Variants in ITPRID2 observed in about 807,000 individuals in gnomAD.
ITPRID2 encodes ITPR interacting domain containing 2, also known as protein ITPRID2.
A neutral mutation model predicts 124.3 loss-of-function variants in ITPRID2; 60 were observed. That is an observed-to-expected ratio of 0.48 (90% confidence interval 0.39 to 0.60). ITPRID2 has a LOEUF of 0.60. Ranked by LOEUF, ITPRID2 falls within the 20% of genes least tolerant of loss-of-function variation. The pLI, the probability that ITPRID2 is intolerant of heterozygous loss-of-function variation, is 0.00. For synonymous variants in ITPRID2, 521 were observed against 542.9 expected (o/e 0.96, Z 0.56); for missense variants, 1,553 against 1,512.2 (o/e 1.03, Z -0.45).
At position 181,915,000 on chromosome 2, in the gene ITPRID2, G is replaced by C. The variant is rs373432195; in HGVS notation, c.1576-216G>C. 1.2e-4 allele frequency among the ~76,000 whole-genome samples: 18 copies of C among 152,260 alleles called. No homozygotes were observed. The South Asian group carries it at 3.3e-3, about 28-fold the overall frequency. ...GGAGGTTGTTGGAAAGGGAATTTTA[G>C]GAAAACAGTGAAGTTCTGAAATAAT... On this transcript the variant is annotated intron_variant, in intron 10 of 17. Coordinates refer to ENST00000431877, the MANE Select transcript of ITPRID2 (RefSeq NM_001130445.3).
chr2:181,900,365 T>C (rs1346217349), intron 6 of ITPRID2, among the ~76,000 whole-genome samples: 1 of 152,180 alleles, frequency 6.6e-6, no homozygotes, highest in African/African-American at 2.4e-5. Context: ...TCATCTGTCT[T>C]CTACTTGTTT....
At chr2:181,895,092 G>A (rs1236149729) in intron 2 of ITPRID2, among the ~76,000 whole-genome samples, 2 of 152,002 alleles carry the variant, frequency 1.3e-5, no homozygotes, top group Non-Finnish European at 2.9e-5. Flanking sequence ...GCCATTGTTA[G>A]TATACTTGTA....
rs565890307 is a variant in ITPRID2 at position 181,892,045 on chromosome 2, T to G, written c.-22T>G. 3.5e-5 allele frequency: 54 copies of G among 1,545,598 alleles called. No individual in the cohort carries two copies. The African/African-American group carries it at 6.7e-4, about 19-fold the overall frequency. ...TGTCTCGCGCAGGGTCCGGCTGGGGTAGCGGAGCCCCCAGTGCGGCCATGG... is the reference window on the plus strand; with the variant it reads ...TGTCTCGCGCAGGGTCCGGCTGGGGGAGCGGAGCCCCCAGTGCGGCCATGG... On this transcript the variant is annotated 5_prime_UTR_variant, in exon 1 of 18. Transcript: ENST00000431877. This position sits in a 1 kb window ranked among gnomAD's most constrained non-coding sequence, Gnocchi z 5.2.
At position 181,915,633 on chromosome 2, in the gene ITPRID2, T is replaced by C. The variant is rs761725758; in HGVS notation, c.1993T>C (p.Ser665Pro). The C allele has an allele frequency of 4.3e-6, 7 of 1,614,198 alleles. No individual in the cohort carries two copies. The highest frequency in any genetic ancestry group is 5.9e-6 in the Non-Finnish European group (7 of 1,180,028). Residue 665 changes from serine to proline, a missense_variant, in exon 11 of 18, where the codon TCA (serine) becomes CCA (proline). By Grantham distance (74) the Ser-to-Pro change is moderately conservative (BLOSUM62 -1). Transcript: ENST00000431877. ...GTATACCACACACCATATTCTGAAA[T>C]CATTGGCTTCTATTGAAGCTAAATG... ...TQYTTHHILK[S>P]LASIEAKCSD...
intron 9 of ITPRID2, among the ~76,000 whole-genome samples, chr2:181,912,166 G>A (rs781195273): frequency 2.6e-5 from 4 of 152,214 alleles, no homozygotes; most frequent in Non-Finnish European, 5.9e-5. Context: ...TTAAGGAAAT[G>A]GGTATCATTG....
rs1057395580 is a variant in ITPRID2 at position 181,896,214 on chromosome 2, A to G, written c.307+135A>G. The G allele has an allele frequency of 1.3e-5, 10 of 747,934 alleles. No homozygotes were observed. The highest frequency in any genetic ancestry group is 6.3e-5 in the South Asian group (3 of 47,674). The allele number at this position is 747,934 out of a possible 1,614,324, so 46.3% of individuals were successfully genotyped here. ...ATATGCTATTCTGAGCTAGAAGCAAAATGGAGAAACTTTGTTATAAACCGT... is the reference window on the plus strand; with the variant it reads ...ATATGCTATTCTGAGCTAGAAGCAAGATGGAGAAACTTTGTTATAAACCGT... On this transcript the variant is annotated intron_variant, in intron 3 of 17. Transcript: ENST00000431877. The surrounding 1 kb of genome is among the most constrained non-coding windows in gnomAD (Gnocchi z 4.3).
At chr2:181,908,615 A>G (rs1693345939) in intron 8 of ITPRID2, among the ~76,000 whole-genome samples, 1 of 152,202 alleles carries the variant, frequency 6.6e-6, no homozygotes, top group African/African-American at 2.4e-5. Context: ...ATGGTTTTGC[A>G]TGAGTAGTGT....
intron 8 of ITPRID2, among the ~76,000 whole-genome samples, chr2:181,904,378 T>C (rs1692930240): frequency 6.6e-6 from 1 of 152,070 alleles, no homozygotes; most frequent in Non-Finnish European, 1.5e-5. Context: ...ATTGTAAATA[T>C]GGGGAATTTT....
rs1559001430 is a variant in ITPRID2, at chr2:181,913,828, C to T, written c.1487-17C>T. The stretch of plus-strand genomic sequence containing the variant: ...ATAGATCATCTGTTTCTTATAGCCA[C>T]ATTTTTTTATTCATAGATCATCTGT... On this transcript the variant is annotated splice_polypyrimidine_tract_variant and intron_variant, in intron 9 of 17. Coordinates refer to ENST00000431877, the MANE Select transcript of ITPRID2 (RefSeq NM_001130445.3). The T allele has an allele frequency of 1.3e-6, 2 of 1,592,250 alleles. No homozygotes were observed. The highest frequency in any genetic ancestry group is 1.7e-6 in the Non-Finnish European group (2 of 1,169,336).
At chr2:181,922,496 G>T (rs1694555271) in intron 16 of ITPRID2, 84 bp downstream of exon 16, 1 of 1,257,340 alleles carries the variant, frequency 8.0e-7, no homozygotes, top group African/African-American at 1.5e-5. Flanking sequence ...TTTACAGAAT[G>T]TTCTTTTGAT....
Position 181,892,596 on chromosome 2 carries a change from C to G in ITPRID2, c.212-19C>G. On this transcript the variant is annotated intron_variant, in intron 1 of 17. Transcript: ENST00000431877. This position sits in a 1 kb window ranked among gnomAD's most constrained non-coding sequence, Gnocchi z 5.2. ...GTGCTCCTGGGTGGTAACGTGCTGT[C>G]CCCTCTCTCTACCCCCAGGAAACGT... The G allele has an allele frequency of 6.2e-7, 1 of 1,614,088 alleles. No homozygotes were observed. The highest frequency in any genetic ancestry group is 8.5e-7 in the Non-Finnish European group (1 of 1,179,976).
Position 181,892,787 on chromosome 2 carries a change from C to A in ITPRID2, c.257+127C>A. The stretch of plus-strand genomic sequence containing the variant: ...TGTAAGCTACAAACCGGAAAGTGAG[C>A]CGGCGGATAGCTTCCTCCTCTAAGC... On this transcript the variant is annotated intron_variant, in intron 2 of 17. Transcript: ENST00000431877. The surrounding 1 kb of genome is among the most constrained non-coding windows in gnomAD (Gnocchi z 5.2). The A allele has an allele frequency of 9.4e-7, 1 of 1,062,854 alleles. No individual in the cohort carries two copies. The highest frequency in any genetic ancestry group is 1.4e-6 in the Non-Finnish European group (1 of 709,194). The allele number at this position is 1,062,854 out of a possible 1,614,324, so 65.8% of individuals were successfully genotyped here.
At chr2:181,893,025 G>T in intron 2 of ITPRID2, 1 of 307,542 alleles carries the variant, frequency 3.3e-6, no homozygotes, top group South Asian at 6.1e-5. Context: ...CTGTACAACT[G>T]GCACGGAATC....
At chr2:181,908,861 T>C (rs1252674269) in intron 8 of ITPRID2, among the ~76,000 whole-genome samples, 1 of 152,202 alleles carries the variant, frequency 6.6e-6, no homozygotes, top group African/African-American at 2.4e-5. Flanking sequence ...GCTTTGATTT[T>C]TTTTTTCAAG....
At position 181,892,244 on chromosome 2, in the gene ITPRID2, C is replaced by T. The variant is rs1182862209; in HGVS notation, c.178C>T (p.Pro60Ser). 2 of 1,549,350 alleles carry T rather than the reference C, an allele frequency of 1.3e-6. No individual in the cohort carries two copies. Among genetic ancestry groups the T allele is most frequent in the East Asian group, 2.4e-5 (1 of 40,866 alleles). Residue 60 changes from proline (P) to serine (S), a missense_variant, in exon 1 of 18, where the codon CCC becomes TCC. Pro to Ser is a moderately conservative substitution (Grantham distance 74, BLOSUM62 -1). Transcript: ENST00000431877. The surrounding 1 kb of genome is among the most constrained non-coding windows in gnomAD (Gnocchi z 5.2). Reference protein sequence around the residue: ...DEEEDEEEDLPGAQLPAAGGR... With the variant: ...DEEEDEEEDLSGAQLPAAGGR... ...GGAGGAGGACGAGGAGGAGGACCTC[C>T]CCGGCGCGCAGCTGCCGGCAGCGGG...
At position 181,915,927 on chromosome 2, in the gene ITPRID2, G is replaced by C; in HGVS notation, c.2287G>C (p.Glu763Gln). The change falls in exon 11 of 18, where the codon GAG (glutamate) becomes CAG (glutamine). Residue 763 changes from glutamate to glutamine, a missense_variant. Coordinates refer to ENST00000431877, the MANE Select transcript of ITPRID2 (RefSeq NM_001130445.3). ...SVNVRLSPGK[E>Q]TRCSPPSFTY... ...CAATGTTCGATTATCTCCAGGAAAAGAGACCAGATGCAGCCCACCTTCCTT... is the reference window on the plus strand; with the variant it reads ...CAATGTTCGATTATCTCCAGGAAAACAGACCAGATGCAGCCCACCTTCCTT... 6.2e-7 allele frequency: 1 copy of C among 1,614,206 alleles called. No individual in the cohort carries two copies. Among genetic ancestry groups the C allele is most frequent in the Non-Finnish European group, 8.5e-7 (1 of 1,180,042 alleles).
rs768320243 is a variant in ITPRID2, at chr2:181,913,877, G to A, written c.1519G>A (p.Asp507Asn). 4.3e-6 allele frequency: 7 copies of A among 1,613,162 alleles called. No individual in the cohort carries two copies. Among genetic ancestry groups the A allele is most frequent in the African/African-American group, 1.3e-5 (1 of 74,984 alleles). Residue 507 changes from aspartate (D) to asparagine (N), a missense_variant, in exon 10 of 18, where the codon GAT becomes AAT. Transcript: ENST00000431877. ...HLLRTASQHS[D>N]SSGFAEDSTD... Reference sequence around the variant, plus strand: ...GTTACGTACTGCAAGTCAGCATTCCGATAGCAGTGGTTTTGCTGAAGATTC... The same window carrying A: ...GTTACGTACTGCAAGTCAGCATTCCAATAGCAGTGGTTTTGCTGAAGATTC...
At chr2:181,928,069 A>G in intron 16 of ITPRID2, 92 bp from the exon 17 acceptor site, 1 of 799,516 alleles carries the variant, frequency 1.3e-6, no homozygotes. Context: ...GAAATTAAGA[A>G]ATTGAATGCT....
chr2:181,895,587 T>C (rs912552935), intron 2 of ITPRID2, among the ~76,000 whole-genome samples: 4 of 152,014 alleles, frequency 2.6e-5, no homozygotes, highest in Non-Finnish European at 5.9e-5. Flanking sequence ...TGGGCCTCAT[T>C]TCCAACTACT....
Sources: gnomAD v4.1 joint callset for allele counts (sites outside exome capture counted in the v4.1 genomes callset) on GRCh38, gnomAD v4.1.1 for gene constraint, Gnocchi (gnomAD v3.1) non-coding constraint, MANE v1.5 for transcripts, NCBI Gene and HGNC (gene_info 2026-07-23, HGNC 2026-07-21) for gene names.